Variants in NELL1 observed in about 807,000 individuals in gnomAD.
NELL1 encodes the protein protein kinase C-binding protein NELL1.
A neutral mutation model predicts 107.4 loss-of-function variants in NELL1; 76 were observed. The observed-to-expected ratio is 0.71, with a 90% CI of 0.59 to 0.86. NELL1 has a LOEUF of 0.86. Ranked by LOEUF, NELL1 falls within the 40% of genes least tolerant of loss-of-function variation. NELL1 has a pLI of 0.00. For missense variants in NELL1, 1,024 were observed against 1,005.5 expected (o/e 1.02, Z -0.25); for synonymous variants, 353 against 341.2 (o/e 1.03, Z -0.38).
intron 14 of NELL1, among the ~76,000 whole-genome samples, chr11:21,282,831 AC>A (rs202206785): frequency 0.014 from 2,094 of 152,328 alleles, 52 homozygotes; most frequent in African/African-American, 0.048. Flanking sequence ...ACAATGGAGT[AC>A]TATTCAGCCA....
intron 12 of NELL1, among the ~76,000 whole-genome samples, chr11:21,034,427 A>G (rs1257395834): frequency 6.6e-6 from 1 of 152,134 alleles, no homozygotes; most frequent in African/African-American, 2.4e-5. Flanking sequence ...CTCTCTACCC[A>G]AAAATAACAG....
chr11:21,403,131 A>G (rs1278655319), intron 15 of NELL1, among the ~76,000 whole-genome samples: 2 of 151,726 alleles, frequency 1.3e-5, no homozygotes, highest in Non-Finnish European at 2.9e-5. Context: ...CACATACTCT[A>G]TTTTCATTAT....
At chr11:21,263,176 C>T (rs566069911) in intron 14 of NELL1, among the ~76,000 whole-genome samples, 23 of 151,940 alleles carry the variant, frequency 1.5e-4, no homozygotes, top group Non-Finnish European at 3.1e-4. Flanking sequence ...ATGGAGTTCT[C>T]ACATCCTTCT....
Position 20,857,610 on chromosome 11 carries a change from T to C in NELL1, c.506+9857T>C, listed in dbSNP as rs148709784. Among the ~76,000 whole-genome samples the C allele has an allele frequency of 9.8e-3, 1,499 of 152,216 alleles. 13 individuals are homozygous for C. Among genetic ancestry groups the C allele is most frequent in the Non-Finnish European group, 0.015 (1,047 of 68,002 alleles). On this transcript the variant is annotated intron_variant, in intron 4 of 19. Transcript: ENST00000357134. The stretch of plus-strand genomic sequence containing the variant: ...GGACACAGCACCAAGAAGGAACGCA[T>C]CTTCACCGGCAGAGTTGGATGGGTG...
At chr11:21,450,120 G>T (rs907756493) in intron 15 of NELL1, among the ~76,000 whole-genome samples, 22 of 152,150 alleles carry the variant, frequency 1.4e-4, no homozygotes, top group African/African-American at 5.3e-4. Context: ...ACTTCTGAAA[G>T]ATTAGTAGAA....
At chr11:20,902,643 C>T (rs1849902627) in intron 5 of NELL1, among the ~76,000 whole-genome samples, 1 of 151,854 alleles carries the variant, frequency 6.6e-6, no homozygotes, top group African/African-American at 2.4e-5. Flanking sequence ...TGGTCATATA[C>T]CCAGGTATAT....
At position 21,214,459 on chromosome 11, in the gene NELL1, GT is replaced by G. The variant is rs572356080; in HGVS notation, c.1427-14871del. Among the ~76,000 whole-genome samples the G allele has an allele frequency of 7.9e-5, 12 of 152,192 alleles. No homozygotes were observed. The East Asian group carries it at 1.9e-3, about 24-fold the overall frequency. On this transcript the variant is annotated intron_variant, in intron 13 of 19. Coordinates refer to ENST00000357134, the MANE Select transcript of NELL1 (RefSeq NM_006157.5). The stretch of plus-strand genomic sequence containing the variant: ...GAAGATATACTCAACACCATTGGCA[GT>G]TAGCACAATATAAATTAAAAACATA...
intron 3 of NELL1, among the ~76,000 whole-genome samples, chr11:20,835,990 A>G (rs1047820568): frequency 1.3e-5 from 2 of 152,172 alleles, no homozygotes; most frequent in African/African-American, 4.8e-5. Flanking sequence ...GATTAAAAAA[A>G]CAAGTTATAG....
intron 14 of NELL1, among the ~76,000 whole-genome samples, chr11:21,342,517 G>A (rs1460551801): frequency 1.3e-5 from 2 of 151,748 alleles, no homozygotes; most frequent in East Asian, 2.0e-4. Flanking sequence ...GGTGGCATGT[G>A]CCTGTAGTTA....
chr11:21,252,225 T>C (rs994110050), intron 14 of NELL1, among the ~76,000 whole-genome samples: 9 of 152,168 alleles, frequency 5.9e-5, no homozygotes, highest in African/African-American at 1.7e-4. Flanking sequence ...TTCACTGGTA[T>C]GTTACAGAGG....
At chr11:21,209,343 A>C (rs1857452359) in intron 13 of NELL1, among the ~76,000 whole-genome samples, 1 of 148,634 alleles carries the variant, frequency 6.7e-6, no homozygotes, top group Non-Finnish European at 1.5e-5. Flanking sequence ...ATATATATAT[A>C]TATATAAAAT....
intron 2 of NELL1, among the ~76,000 whole-genome samples, chr11:20,749,167 T>G (rs1856077345): frequency 6.7e-6 from 1 of 150,276 alleles, no homozygotes. Flanking sequence ...TACAGTTAGC[T>G]TTTAGGGCAG....
intron 12 of NELL1, among the ~76,000 whole-genome samples, chr11:20,975,969 A>ATATATACAT (rs1564995742): frequency 4.2e-5 from 6 of 142,460 alleles, no homozygotes; most frequent in East Asian, 2.1e-4. Context: ...TATATACATT[A>ATATATACAT]TATATATTAT....
chr11:21,205,423 C>T (rs920477400), intron 13 of NELL1, among the ~76,000 whole-genome samples: 1 of 152,172 alleles, frequency 6.6e-6, no homozygotes, highest in Non-Finnish European at 1.5e-5. Flanking sequence ...GAGGGTAAAA[C>T]CTAAAACCAC....
chr11:20,983,531 C>A (rs970402309), intron 12 of NELL1, among the ~76,000 whole-genome samples: 7 of 152,274 alleles, frequency 4.6e-5, no homozygotes, highest in Non-Finnish European at 4.4e-5. Context: ...ACCAACCCTC[C>A]CATTACATAG....
chr11:21,423,053 T>G (rs10833532), intron 15 of NELL1, among the ~76,000 whole-genome samples: 1 of 151,924 alleles, frequency 6.6e-6, no homozygotes, highest in African/African-American at 2.4e-5. Flanking sequence ...ATATAAAAAA[T>G]AGACTCTAAG....
chr11:20,674,940 A>T (rs1854015618), intron 1 of NELL1, among the ~76,000 whole-genome samples: 1 of 152,204 alleles, frequency 6.6e-6, no homozygotes, highest in South Asian at 2.1e-4. Context: ...AAATAACCCC[A>T]AACTCAGTGG....
chr11:21,551,565 T>C (rs1401315075), intron 16 of NELL1, among the ~76,000 whole-genome samples: 1 of 151,438 alleles, frequency 6.6e-6, no homozygotes, highest in Non-Finnish European at 1.5e-5. Context: ...ATCAGAGAAA[T>C]GCAAATCAAA....
At chr11:21,123,353 G>GTA in intron 13 of NELL1, among the ~76,000 whole-genome samples, 2 of 133,534 alleles carry the variant, frequency 1.5e-5, no homozygotes, top group South Asian at 5.4e-4. Context: ...GTGTGTGTGT[G>GTA]TGTGTGTGTG....
Sources: gnomAD v4.1 joint callset for allele counts (sites outside exome capture counted in the v4.1 genomes callset) on GRCh38, gnomAD v4.1.1 for gene constraint, MANE v1.5 for transcripts, NCBI Gene and HGNC (gene_info 2026-07-23, HGNC 2026-07-21) for gene names.